Variants in CNTN4 observed in about 807,000 individuals in gnomAD.
CNTN4 encodes contactin 4, also known as contactin-4.
A neutral mutation model predicts 122.5 loss-of-function variants in CNTN4; 77 were observed. The ratio of observed to expected loss-of-function variants is 0.63; its 90% CI spans 0.52 to 0.76. The LOEUF is 0.76. Among genes scored for constraint, CNTN4 ranks in the 30% least tolerant of loss-of-function variants. The probability of loss-of-function intolerance (pLI) is 0.00; values close to 1 mark genes in which losing one functional copy is unlikely to be tolerated. For synonymous variants in CNTN4, 512 were observed against 447.0 expected, an observed-to-expected ratio of 1.15 and a Z score of -1.83; for missense variants, 1,256 against 1,259.1, an observed-to-expected ratio of 1.00 and a Z score of 0.04.
chr3:2,671,910 G>A (rs1423037049), intron 4 of CNTN4, among the ~76,000 whole-genome samples: 2 of 104,138 alleles, frequency 1.9e-5, no homozygotes, highest in East Asian at 4.1e-4. Context: ...CTGCAAAACA[G>A]CAAATATTGC....
At chr3:3,044,938 G>A (rs1340202127) in intron 23 of CNTN4, among the ~76,000 whole-genome samples, 1 of 152,240 alleles carries the variant, frequency 6.6e-6, no homozygotes, top group African/African-American at 2.4e-5. Flanking sequence ...TTTTCCAATG[G>A]TCTTAGCAAA....
rs79553532 is a variant in CNTN4, at chr3:2,693,887, T to C, written c.56-42328T>C. On this transcript the variant is annotated intron_variant, in intron 4 of 24. Coordinates refer to ENST00000418658, the MANE Select transcript of CNTN4 (RefSeq NM_175607.3). ...TTCCGAGTTGCTGGGCCCCAACTTC[T>C]AAGAAGGACACTTCTCAAACCTTCA... Among the ~76,000 whole-genome samples the C allele has an allele frequency of 3.3e-3, 505 of 152,278 alleles. 1 individual carries two copies. Among genetic ancestry groups the C allele is most frequent in the African/African-American group, 0.011 (438 of 41,568 alleles).
At chr3:3,009,921 A>G (rs1231421583) in intron 14 of CNTN4, among the ~76,000 whole-genome samples, 4 of 151,262 alleles carry the variant, frequency 2.6e-5, no homozygotes, top group Non-Finnish European at 5.9e-5. Context: ...CCATACCCAC[A>G]TTAATATTTC....
Position 2,287,708 on chromosome 3 carries a change from AGAG to A in CNTN4, c.-144-51467_-144-51465del, listed in dbSNP as rs1183662314. Among the ~76,000 whole-genome samples the A allele has an allele frequency of 7.8e-3, 480 of 61,520 alleles. 8 individuals carry two copies. The highest frequency in any genetic ancestry group is 0.022 in the East Asian group (39 of 1,796). The allele number at this position is 61,520 out of a possible 152,430, so 40.4% of individuals were successfully genotyped here. A position where few individuals can be genotyped will look rare whatever the true frequency, so the allele number is the denominator to read the frequency against. ...AAGAAGAAGAGGAAGAAGAAGAAGA[AGAG>A]GAAGAAGAAGAAGAAGAAGAAGAAG... On this transcript the variant is annotated intron_variant, in intron 2 of 24. Coordinates refer to ENST00000418658, the MANE Select transcript of CNTN4 (RefSeq NM_175607.3).
intron 6 of CNTN4, among the ~76,000 whole-genome samples, chr3:2,764,864 C>T (rs779623951): frequency 1.5e-4 from 23 of 152,102 alleles, no homozygotes; most frequent in Non-Finnish European, 2.4e-4. Flanking sequence ...TCCCATTTTA[C>T]GAAGGAGAGA....
At chr3:2,765,957 T>C (rs1298241734) in intron 6 of CNTN4, among the ~76,000 whole-genome samples, 3 of 152,184 alleles carry the variant, frequency 2.0e-5, no homozygotes, top group African/African-American at 7.2e-5. Context: ...ACTTAGGGAT[T>C]TGGGCAGTGG....
At chr3:2,496,823 A>T (rs905803933) in intron 3 of CNTN4, among the ~76,000 whole-genome samples, 1 of 152,160 alleles carries the variant, frequency 6.6e-6, no homozygotes, top group African/African-American at 2.4e-5. Flanking sequence ...ATATATTAAG[A>T]GGTCATTTAT....
chr3:2,692,203 T>C (rs2085777291), intron 4 of CNTN4, among the ~76,000 whole-genome samples: 2 of 152,224 alleles, frequency 1.3e-5, no homozygotes, highest in South Asian at 4.1e-4. Flanking sequence ...TGCGATCCCT[T>C]GACTAAGTAT....
At chr3:2,374,942 C>T (rs1333292611) in intron 3 of CNTN4, among the ~76,000 whole-genome samples, 2 of 152,052 alleles carry the variant, frequency 1.3e-5, no homozygotes. Context: ...TATAATTTAC[C>T]ATTTTGTACC....
Position 2,419,484 on chromosome 3 carries a change from A to C in CNTN4, c.-89+80251A>C, listed in dbSNP as rs75954942. Reference sequence around the variant, plus strand: ...AGAATAAACTGATACCCGTAAGTCCATTCTAGCCCAATGTTTCAAAAAATG... The same window carrying C: ...AGAATAAACTGATACCCGTAAGTCCCTTCTAGCCCAATGTTTCAAAAAATG... On this transcript the variant is annotated intron_variant, in intron 3 of 24. Transcript: ENST00000418658. Among the ~76,000 whole-genome samples, 1,022 of 152,326 alleles carry C rather than the reference A, an allele frequency of 6.7e-3. 7 individuals are homozygous for C. Among genetic ancestry groups the C allele is most frequent in the African/African-American group, 0.017 (725 of 41,564 alleles).
In CNTN4 at chr3:2,866,801, T is replaced by C; in HGVS notation, c.504T>C (p.Asn168=). 6.2e-6 allele frequency: 10 copies of C among 1,614,068 alleles called. No homozygotes were observed. The highest frequency in any genetic ancestry group is 8.5e-6 in the Non-Finnish European group (10 of 1,179,942). The change falls in exon 8 of 25, where the codon AAT becomes AAC. Residue 168 remains asparagine, a synonymous_variant. Transcript: ENST00000418658. ...IFNEYPSYQD[N]RRFVSQETGN... ...ATGAATACCCTTCCTATCAGGATAA[T>C]CGCCGCTTTGTTTCTCAAGAGACTG... is the stretch of plus-strand genomic sequence containing the variant.
intron 4 of CNTN4, among the ~76,000 whole-genome samples, chr3:2,715,264 A>T (rs1029305913): frequency 6.6e-6 from 1 of 152,236 alleles, no homozygotes; most frequent in Non-Finnish European, 1.5e-5. Flanking sequence ...TTGTGAAAAT[A>T]CATATGTAAA....
chr3:2,304,139 T>C (rs1195623474), intron 2 of CNTN4, among the ~76,000 whole-genome samples: 1 of 152,192 alleles, frequency 6.6e-6, no homozygotes, highest in Non-Finnish European at 1.5e-5. Flanking sequence ...ACTTGTTCAT[T>C]ACATTGTAAT....
chr3:2,718,778 G>C (rs1403539642), intron 4 of CNTN4, among the ~76,000 whole-genome samples: 3 of 152,086 alleles, frequency 2.0e-5, no homozygotes, highest in African/African-American at 7.2e-5. Context: ...TAGTTAAATA[G>C]TTAATATTTT....
At chr3:2,209,954 T>C (rs1161272711) in intron 2 of CNTN4, among the ~76,000 whole-genome samples, 1 of 152,180 alleles carries the variant, frequency 6.6e-6, no homozygotes, top group East Asian at 1.9e-4. Flanking sequence ...CCGAGAGCTT[T>C]ATTTTTATTT....
chr3:2,414,043 AC>A (rs2047323776), intron 3 of CNTN4, among the ~76,000 whole-genome samples: 1 of 152,032 alleles, frequency 6.6e-6, no homozygotes, highest in South Asian at 2.1e-4. Context: ...AACCTCCATC[AC>A]CCCATAGACA....
chr3:2,940,151 A>G (rs535828799), intron 13 of CNTN4, among the ~76,000 whole-genome samples: 70 of 152,338 alleles, frequency 4.6e-4, no homozygotes, highest in African/African-American at 1.5e-3. Flanking sequence ...AGAGAAAAGC[A>G]AAAGGGCTGT....
intron 2 of CNTN4, among the ~76,000 whole-genome samples, chr3:2,153,754 G>A (rs2035595142): frequency 1.3e-5 from 2 of 152,178 alleles, no homozygotes; most frequent in African/African-American, 4.8e-5. Context: ...GGGTGAAAGG[G>A]AGCAGAACAG....
At chr3:2,860,979 T>C (rs1430728764) in intron 7 of CNTN4, among the ~76,000 whole-genome samples, 2 of 152,132 alleles carry the variant, frequency 1.3e-5, no homozygotes, top group Non-Finnish European at 2.9e-5. Flanking sequence ...ATTTCTAACA[T>C]TTTTTTTTCG....
Sources: gnomAD v4.1 joint callset for allele counts (sites outside exome capture counted in the v4.1 genomes callset) on GRCh38, gnomAD v4.1.1 for gene constraint, MANE v1.5 for transcripts, NCBI Gene and HGNC (gene_info 2026-07-23, HGNC 2026-07-21) for gene names.